SNX29: variants seen among roughly 807,000 people sequenced by gnomAD.
SNX29 encodes the protein sorting nexin 29.
Under a neutral mutation model 102.1 loss-of-function variants are expected in SNX29, and 78 were observed. The ratio of observed to expected loss-of-function variants is 0.76; its 90% CI spans 0.64 to 0.92. SNX29 has a LOEUF of 0.92. Among genes scored for constraint, SNX29 ranks in the 40% least tolerant of loss-of-function variants. The probability of loss-of-function intolerance (pLI) is 0.00; values close to 1 mark genes in which losing one functional copy is unlikely to be tolerated. For synonymous variants in SNX29, 580 were observed against 414.5 expected (o/e 1.40, Z -4.85); for missense variants, 1,280 against 1,061.7 (o/e 1.21, Z -2.86).
chr16:12,122,601 A>G (rs1382035892), intron 11 of SNX29, among the ~76,000 whole-genome samples: 1 of 152,112 alleles, frequency 6.6e-6, no homozygotes, highest in Admixed American at 6.5e-5. Flanking sequence ...TGTGTTCAGT[A>G]TGGTTGGAGT....
At chr16:12,500,242 C>T (rs1396995529) in intron 19 of SNX29, among the ~76,000 whole-genome samples, 4 of 152,206 alleles carry the variant, frequency 2.6e-5, no homozygotes, top group South Asian at 2.1e-4. Flanking sequence ...AAGCAAACCT[C>T]GTGCCTCAGT....
chr16:12,252,142 C>A (rs1417418981), intron 14 of SNX29, among the ~76,000 whole-genome samples: 1 of 152,198 alleles, frequency 6.6e-6, no homozygotes, highest in Non-Finnish European at 1.5e-5. Context: ...TCTGCTCTTA[C>A]CAGCTTTCCC....
intron 20 of SNX29, among the ~76,000 whole-genome samples, chr16:12,565,588 G>A (rs962372768): frequency 6.6e-6 from 1 of 152,100 alleles, no homozygotes; most frequent in South Asian, 2.1e-4. Flanking sequence ...CTCAACCACA[G>A]CAGCCTACAC....
At chr16:12,198,027 G>A (rs907335958) in intron 13 of SNX29, among the ~76,000 whole-genome samples, 6 of 152,118 alleles carry the variant, frequency 3.9e-5, no homozygotes, top group Admixed American at 6.5e-5. Context: ...GTAGTGGGTG[G>A]TATTTCCATC....
chr16:12,565,505 C>CA, intron 20 of SNX29, among the ~76,000 whole-genome samples: 1 of 152,346 alleles, frequency 6.6e-6, no homozygotes, highest in Non-Finnish European at 1.5e-5. Context: ...GCCTGTGTCC[C>CA]GAGACATGGC....
chr16:12,099,788 G>A (rs2052930532), intron 11 of SNX29, among the ~76,000 whole-genome samples: 1 of 152,142 alleles, frequency 6.6e-6, no homozygotes, highest in Non-Finnish European at 1.5e-5. Flanking sequence ...TGTTCCTGGG[G>A]TGCTAGCCCA....
chr16:12,080,869 A>G (rs921018359), intron 11 of SNX29, among the ~76,000 whole-genome samples: 59 of 150,570 alleles, frequency 3.9e-4, no homozygotes, highest in African/African-American at 1.4e-3. Flanking sequence ...TTTTTAGTAG[A>G]GATGGGGTTT....
At chr16:12,041,442 C>T (rs928716195) in intron 4 of SNX29, among the ~76,000 whole-genome samples, 7 of 152,206 alleles carry the variant, frequency 4.6e-5, no homozygotes, top group African/African-American at 1.4e-4. Context: ...GCTGCTGTAA[C>T]AAATTAATAC....
intron 14 of SNX29, among the ~76,000 whole-genome samples, chr16:12,266,874 C>T (rs1050009802): frequency 1.3e-5 from 2 of 152,148 alleles, no homozygotes; most frequent in African/African-American, 4.8e-5. Flanking sequence ...AGTGATTCTC[C>T]TGCCTCAGCC....
At position 12,309,295 on chromosome 16, in the gene SNX29, C is replaced by T. The variant is rs1051254687; in HGVS notation, c.1782+31259C>T. On this transcript the variant is annotated intron_variant, in intron 15 of 20. Coordinates refer to ENST00000566228, the MANE Select transcript of SNX29 (RefSeq NM_032167.5). ...TTTTGGTGCTCAAGTTGGGGAGATG[C>T]ACAGATAGGGGCTACCTATCTAGCC... is the stretch of plus-strand genomic sequence containing the variant. Among the ~76,000 whole-genome samples the T allele has an allele frequency of 1.8e-4, 27 of 152,136 alleles. 1 individual carries two copies. Among genetic ancestry groups the T allele is most frequent in the Non-Finnish European group, 8.8e-5 (6 of 68,024 alleles).
At chr16:12,545,227 G>A (rs77425330) in intron 20 of SNX29, among the ~76,000 whole-genome samples, 3 of 152,202 alleles carry the variant, frequency 2.0e-5, no homozygotes, top group African/African-American at 7.2e-5. Context: ...CAATGACAGG[G>A]AAAGGGCCTC....
chr16:12,289,488 G>A (rs12148953), intron 15 of SNX29, among the ~76,000 whole-genome samples: 92,083 of 151,522 alleles, frequency 0.61, 28,677 homozygotes, highest in African/African-American at 0.72. Context: ...CCATTTCCTG[G>A]TGAGGTCACC....
intron 1 of SNX29, among the ~76,000 whole-genome samples, chr16:11,990,953 T>C (rs952426625): frequency 2.0e-5 from 3 of 152,244 alleles, no homozygotes; most frequent in African/African-American, 7.2e-5. Context: ...ATATTATCTA[T>C]GGCTGTTGTT....
Position 12,096,266 on chromosome 16 carries a change from G to C in SNX29, c.1402+17351G>C. Among the ~76,000 whole-genome samples, 1 of 152,192 alleles carries C rather than the reference G, an allele frequency of 6.6e-6. No individual in the cohort carries two copies. The highest frequency in any genetic ancestry group is 1.9e-4 in the East Asian group (1 of 5,196). ...GACTGTCTTAGTGTCTTAGTAATTG[G>C]AAGGTTCCAGATGGCATTTAGACAT... On this transcript the variant is annotated intron_variant, in intron 11 of 20. Transcript: ENST00000566228. This position sits in a 1 kb window ranked among gnomAD's most constrained non-coding sequence, Gnocchi z 4.2.
chr16:11,990,162 G>A (rs373804212), intron 1 of SNX29, among the ~76,000 whole-genome samples: 11 of 152,196 alleles, frequency 7.2e-5, no homozygotes, highest in African/African-American at 2.7e-4. Context: ...GATTGGTGGC[G>A]GGCCTGGCCC....
intron 15 of SNX29, among the ~76,000 whole-genome samples, chr16:12,280,387 G>A (rs2079393673): frequency 2.0e-5 from 3 of 152,282 alleles, no homozygotes; most frequent in South Asian, 4.2e-4. Flanking sequence ...GGTCATGTGG[G>A]GAGTTACTGC....
At chr16:12,016,665 G>A (rs192779795) in intron 3 of SNX29, among the ~76,000 whole-genome samples, 268 of 152,252 alleles carry the variant, frequency 1.8e-3, no homozygotes, top group Middle Eastern at 6.8e-3. Context: ...TTTCCCTAAT[G>A]ACTAATGATG....
At chr16:12,243,971 C>T (rs960527790) in intron 14 of SNX29, among the ~76,000 whole-genome samples, 1 of 152,222 alleles carries the variant, frequency 6.6e-6, no homozygotes, top group African/African-American at 2.4e-5. Flanking sequence ...TAAAATTACT[C>T]TACTGGTGGT....
chr16:12,236,134 T>A (rs1158572547), intron 14 of SNX29, among the ~76,000 whole-genome samples: 1 of 152,190 alleles, frequency 6.6e-6, no homozygotes, highest in East Asian at 1.9e-4. Context: ...TGATTTTATA[T>A]CTGTTTTCCC....
Sources: allele counts gnomAD v4.1 joint callset (sites outside exome capture counted in the v4.1 genomes callset), GRCh38; gene constraint gnomAD v4.1.1; non-coding constraint Gnocchi (gnomAD v3.1); transcripts MANE v1.5; gene names NCBI Gene and HGNC (gene_info 2026-07-23, HGNC 2026-07-21).